Variants in GUCY2F observed in about 807,000 individuals in gnomAD.
GUCY2F encodes retinal guanylyl cyclase 2.
GUCY2F carries 61 observed loss-of-function variants against 73.1 expected under a neutral mutation model. The observed-to-expected ratio is 0.83, with a 90% CI of 0.68 to 1.03. The LOEUF (loss-of-function observed/expected upper bound fraction) is 1.03, where lower values mean the gene tolerates loss of function less well. Among genes scored for constraint, GUCY2F ranks in the 50% least tolerant of loss-of-function variants. The pLI is 0.00. For synonymous variants in GUCY2F, 331 were observed against 307.8 expected (o/e 1.08, Z -0.79); for missense variants, 912 against 854.3 (o/e 1.07, Z -0.84).
intron 7 of GUCY2F, among the ~76,000 whole-genome samples, chrX:109,434,226 A>T (rs1278882626): frequency 2.0e-4 from 22 of 110,284 alleles, no homozygotes; most frequent in Non-Finnish European, 1.9e-5. Flanking sequence ...ACTGCTGCCC[A>T]CCACACCCCA....
Position 109,382,134 on chromosome X carries a change from C to T in GUCY2F, c.3134G>A (p.Gly1045Glu), listed in dbSNP as rs769316117. 34 of 1,167,885 alleles carry T rather than the reference C, an allele frequency of 2.9e-5. 2 individuals are homozygous for T. The South Asian group carries it at 6.1e-4, about 21-fold the overall frequency. ...ACATTATACCTTGAGCTCTGTTCTT[C>T]CTCGAAGCTCCACTTCATAGCCCTC... ...LSEGYEVELR[G>E]RTELKGKGTE... Residue 1045 changes from glycine (G) to glutamate (E), a missense_variant, in exon 17 of 20, where the codon GGA (glycine) becomes GAA (glutamate). By Grantham distance (98) the Gly-to-Glu change is moderately conservative. Coordinates refer to ENST00000218006, the MANE Select transcript of GUCY2F (RefSeq NM_001522.3).
rs1312247385 is a variant in GUCY2F, at chrX:109,474,643, C to T, written c.730+564G>A. On this transcript the variant is annotated intron_variant, in intron 2 of 19. Coordinates refer to ENST00000218006, the MANE Select transcript of GUCY2F (RefSeq NM_001522.3). ...TTTCATTCATCAGCTAGGTGCCCCC[C>T]ATATCAACTAACTGTGTGCTGCAAA... is the stretch of plus-strand genomic sequence containing the variant. Among the ~76,000 whole-genome samples, 3 of 111,730 alleles carry T rather than the reference C, an allele frequency of 2.7e-5. No individual in the cohort carries two copies. The Admixed American group carries it at 2.8e-4, about 11-fold the overall frequency.
chrX:109,470,412 T>C (rs1205312521), intron 2 of GUCY2F, among the ~76,000 whole-genome samples: 1 of 111,945 alleles, frequency 8.9e-6, no homozygotes. Context: ...CTCCTAGTCA[T>C]AGTATTATCA....
chrX:109,406,034 C>T (rs192281630), intron 9 of GUCY2F, among the ~76,000 whole-genome samples: 1 of 111,399 alleles, frequency 9.0e-6, no homozygotes, highest in African/African-American at 3.3e-5. Context: ...ATTAGGCTAG[C>T]AGAAAAAGGT....
At chrX:109,374,952 T>C (rs1026356647) in intron 19 of GUCY2F, among the ~76,000 whole-genome samples, 31 of 111,909 alleles carry the variant, frequency 2.8e-4, no homozygotes, top group African/African-American at 7.2e-4. Context: ...AACAAAGTCA[T>C]CAGAGGCCAG....
intron 17 of GUCY2F, among the ~76,000 whole-genome samples, chrX:109,379,053 G>C (rs1459230180): frequency 1.8e-5 from 2 of 112,323 alleles, no homozygotes; most frequent in Non-Finnish European, 3.8e-5. Flanking sequence ...CCTTTAAAAA[G>C]AAAGAAATTC....
chrX:109,382,056 T>C (rs1054284921), intron 17 of GUCY2F, 62 bp downstream of exon 17: 33 of 612,609 alleles, frequency 5.4e-5, no homozygotes, highest in Non-Finnish European at 8.3e-5. Context: ...CAGCAGACCA[T>C]GACCTCTCCA....
At chrX:109,452,911 G>A (rs927393442) in intron 4 of GUCY2F, among the ~76,000 whole-genome samples, 7 of 111,600 alleles carry the variant, frequency 6.3e-5, no homozygotes, top group African/African-American at 2.3e-4. Flanking sequence ...TACCTACTGT[G>A]TTGGGCAGTT....
At position 109,404,372 on chromosome X, in the gene GUCY2F, A is replaced by G; in HGVS notation, c.2081T>C (p.Ile694Thr). 7.5e-6 allele frequency: 9 copies of G among 1,197,520 alleles called. No individual in the cohort carries two copies. Among genetic ancestry groups the G allele is most frequent in the Non-Finnish European group, 1.0e-5 (9 of 882,742 alleles). Reference protein sequence around the residue: ...LKVTDYGFNDILEMLRLSEEE... With the variant: ...LKVTDYGFNDTLEMLRLSEEE... ...TTCAGAGAGTCTCAGCATTTCTAAG[A>G]TGTCGTTAAAGCCATAATCTGTCAC... Residue 694 changes from isoleucine (I) to threonine (T), a missense_variant, in exon 10 of 20, where the codon ATC becomes ACC. By Grantham distance (89) the Ile-to-Thr change is moderately conservative (BLOSUM62 -1). Coordinates refer to ENST00000218006, the MANE Select transcript of GUCY2F (RefSeq NM_001522.3).
chrX:109,475,925 TC>T lies in GUCY2F; in HGVS notation c.11del (p.Gly4AspfsTer52). 1 of 1,202,295 alleles carries T rather than the reference TC, an allele frequency of 8.3e-7. No individual in the cohort carries two copies. Among genetic ancestry groups the T allele is most frequent in the Non-Finnish European group, 1.1e-6 (1 of 891,473 alleles). On this transcript the variant is annotated frameshift_variant, in exon 2 of 20. Transcript: ENST00000218006. LOFTEE classifies it high-confidence loss of function. MFL[G>X]LGRFSRLVLW... ...GAACAAGGCGAGAAAAGCGCCCGAG[TC>T]CCAGGAACATAGCCCTCCTGCTTCC... is the stretch of plus-strand genomic sequence containing the variant.
At chrX:109,392,324 C>A (rs764271649) in intron 13 of GUCY2F, among the ~76,000 whole-genome samples, 1 of 112,128 alleles carries the variant, frequency 8.9e-6, no homozygotes, top group Non-Finnish European at 1.9e-5. Context: ...TGGAATACAG[C>A]ACTGGACAGA....
chrX:109,443,086 G>T (rs1931912243), intron 6 of GUCY2F, among the ~76,000 whole-genome samples: 1 of 111,289 alleles, frequency 9.0e-6, no homozygotes, highest in Non-Finnish European at 1.9e-5. Flanking sequence ...GGAATTCTTG[G>T]CTTGGCTTCT....
Position 109,465,460 on chromosome X carries a change from A to G in GUCY2F, c.731-17T>C, listed in dbSNP as rs1932450579. 8.6e-7 allele frequency: 1 copy of G among 1,157,323 alleles called. No homozygotes were observed. Among genetic ancestry groups the G allele is most frequent in the African/African-American group, 1.8e-5 (1 of 56,864 alleles). ...TGATGATTACTGAAACCAACAAAGC[A>G]AGGAGGTTATGGAAGCAAACTGTTA... On this transcript the variant is annotated splice_polypyrimidine_tract_variant and intron_variant, in intron 2 of 19. Coordinates refer to ENST00000218006, the MANE Select transcript of GUCY2F (RefSeq NM_001522.3).
At chrX:109,419,448 C>A (rs1231284313) in intron 8 of GUCY2F, among the ~76,000 whole-genome samples, 1 of 110,392 alleles carries the variant, frequency 9.1e-6, no homozygotes, top group Non-Finnish European at 1.9e-5. Flanking sequence ...AGAGCAAAAC[C>A]ACTGAATAAT....
intron 7 of GUCY2F, among the ~76,000 whole-genome samples, chrX:109,433,130 T>C (rs1048572373): frequency 2.7e-5 from 3 of 112,121 alleles, no homozygotes; most frequent in African/African-American, 9.8e-5. Context: ...CCTTTTGCAG[T>C]ACACAACCTG....
chrX:109,383,509 ATT>A (rs1448285268), intron 16 of GUCY2F: 1 of 244,456 alleles, frequency 4.1e-6, no homozygotes, highest in African/African-American at 3.0e-5. Context: ...ACATGTCCTG[ATT>A]TCATATCCAA....
chrX:109,391,255 G>A (rs1292005502), intron 14 of GUCY2F, among the ~76,000 whole-genome samples: 1 of 111,740 alleles, frequency 8.9e-6, no homozygotes, highest in Non-Finnish European at 1.9e-5. Flanking sequence ...CTAATAGAAA[G>A]AGTGAAAATT....
At chrX:109,428,716 G>A (rs1281127985) in intron 8 of GUCY2F, among the ~76,000 whole-genome samples, 1 of 111,685 alleles carries the variant, frequency 9.0e-6, no homozygotes, top group African/African-American at 3.3e-5. Context: ...TTTTTAGGAA[G>A]TACACACTGA....
At chrX:109,408,850 T>A (rs1931035112) in intron 9 of GUCY2F, 142 bp downstream of exon 9, 1 of 451,470 alleles carries the variant, frequency 2.2e-6, no homozygotes, top group African/African-American at 2.4e-5. Context: ...CAGGTATGTC[T>A]TTATCAGCAG....
Sources: allele counts gnomAD v4.1 joint callset (sites outside exome capture counted in the v4.1 genomes callset), GRCh38; gene constraint gnomAD v4.1.1; transcripts MANE v1.5; gene names NCBI Gene and HGNC (gene_info 2026-07-23, HGNC 2026-07-21).